ADCY2: variants seen among roughly 807,000 people sequenced by gnomAD.
ADCY2 encodes adenylate cyclase 2.
A neutral mutation model predicts 125.2 loss-of-function variants in ADCY2; 31 were observed. That is an observed-to-expected ratio of 0.25 (90% confidence interval 0.19 to 0.33). The LOEUF is 0.33. Ranked by LOEUF, ADCY2 falls within the 10% of genes least tolerant of loss-of-function variation. ADCY2 has a pLI of 1.00. For missense variants in ADCY2, 904 were observed against 1,418.2 expected (o/e 0.64, Z 5.82); for synonymous variants, 512 against 548.4 (o/e 0.93, Z 0.93).
chr5:7,807,581 C>T (rs1457427489), intron 22 of ADCY2, among the ~76,000 whole-genome samples: 1 of 152,114 alleles, frequency 6.6e-6, no homozygotes, highest in Non-Finnish European at 1.5e-5. Flanking sequence ...AATATTCTTT[C>T]CCCAACCCCT....
chr5:7,640,727 A>G (rs975542924), intron 4 of ADCY2, among the ~76,000 whole-genome samples: 2 of 152,154 alleles, frequency 1.3e-5, no homozygotes, highest in African/African-American at 4.8e-5. Flanking sequence ...GAGCAGGTCA[A>G]ATCAAGAATA....
chr5:7,566,632 G>A (rs1030565455), intron 3 of ADCY2, among the ~76,000 whole-genome samples: 3 of 152,210 alleles, frequency 2.0e-5, no homozygotes, highest in South Asian at 2.1e-4. Context: ...TGTCAACTTC[G>A]CAACAGCCAG....
chr5:7,769,335 A>G (rs749270756), intron 17 of ADCY2, among the ~76,000 whole-genome samples: 2 of 152,260 alleles, frequency 1.3e-5, no homozygotes, highest in Non-Finnish European at 2.9e-5. Context: ...CTTAACCACC[A>G]TATAAGACAT....
At chr5:7,821,609 G>A (rs574615270) in intron 24 of ADCY2, among the ~76,000 whole-genome samples, 2 of 152,324 alleles carry the variant, frequency 1.3e-5, no homozygotes, top group African/African-American at 4.8e-5. Flanking sequence ...CTTGTACAGC[G>A]AATGTTCTCT....
chr5:7,730,756 G>A (rs963659088), intron 14 of ADCY2, among the ~76,000 whole-genome samples: 2 of 152,046 alleles, frequency 1.3e-5, no homozygotes, highest in African/African-American at 4.8e-5. Context: ...ATTTCTGTCA[G>A]TCTCATTACA....
At chr5:7,549,840 C>T (rs1265239255) in intron 3 of ADCY2, among the ~76,000 whole-genome samples, 1 of 152,194 alleles carries the variant, frequency 6.6e-6, no homozygotes, top group Non-Finnish European at 1.5e-5. Flanking sequence ...AAGTGGCTTT[C>T]TCCAGCCACT....
At chr5:7,488,603 G>C (rs547683766) in intron 2 of ADCY2, among the ~76,000 whole-genome samples, 1 of 152,102 alleles carries the variant, frequency 6.6e-6, no homozygotes, top group Non-Finnish European at 1.5e-5. Context: ...TTGCATAGTG[G>C]CTTTTCTTTT....
At chr5:7,401,412 G>C (rs1160225679) in intron 1 of ADCY2, among the ~76,000 whole-genome samples, 3 of 152,188 alleles carry the variant, frequency 2.0e-5, no homozygotes, top group African/African-American at 7.2e-5. Context: ...CTTTGCTAGA[G>C]AAGATTGAAG....
At chr5:7,451,114 G>T (rs993354276) in intron 2 of ADCY2, among the ~76,000 whole-genome samples, 13 of 152,146 alleles carry the variant, frequency 8.5e-5, no homozygotes, top group Admixed American at 5.2e-4. Context: ...ATGAATCAAG[G>T]TGTAATTTCA....
At chr5:7,607,730 T>C (rs956333942) in intron 3 of ADCY2, among the ~76,000 whole-genome samples, 9 of 152,386 alleles carry the variant, frequency 5.9e-5, no homozygotes, top group Non-Finnish European at 1.2e-4. Context: ...ATGGTGATGT[T>C]TTTATTTGAT....
chr5:7,397,034 C>T (rs1002712583), intron 1 of ADCY2, among the ~76,000 whole-genome samples: 3 of 152,242 alleles, frequency 2.0e-5, no homozygotes, highest in African/African-American at 4.8e-5. Flanking sequence ...ATTAAGTATA[C>T]ATCTTTGCCT....
At chr5:7,509,304 A>G (rs1743966532) in intron 2 of ADCY2, among the ~76,000 whole-genome samples, 1 of 152,226 alleles carries the variant, frequency 6.6e-6, no homozygotes, top group African/African-American at 2.4e-5. Context: ...CAGCAAAAGA[A>G]GGAATCAGGA....
chr5:7,664,592 C>T (rs1420250463), intron 4 of ADCY2, among the ~76,000 whole-genome samples: 4 of 152,210 alleles, frequency 2.6e-5, no homozygotes. Flanking sequence ...TCATGACTTA[C>T]TTTCCAATCT....
chr5:7,597,314 G>C (rs2126631494), intron 3 of ADCY2, among the ~76,000 whole-genome samples: 1 of 152,350 alleles, frequency 6.6e-6, no homozygotes, highest in Non-Finnish European at 1.5e-5. Flanking sequence ...AGACCTCTTT[G>C]AGAAGTTGGG....
chr5:7,660,086 G>C (rs1309396034), intron 4 of ADCY2, among the ~76,000 whole-genome samples: 1 of 152,066 alleles, frequency 6.6e-6, no homozygotes, highest in Non-Finnish European at 1.5e-5. Flanking sequence ...CAGGTACTAT[G>C]CTTACTACTT....
intron 2 of ADCY2, among the ~76,000 whole-genome samples, chr5:7,511,544 C>T (rs1265013147): frequency 6.6e-6 from 1 of 151,828 alleles, no homozygotes; most frequent in East Asian, 1.9e-4. Context: ...CACTGCACTC[C>T]AGCCTGGGTG....
At chr5:7,442,613 C>T (rs1348885651) in intron 2 of ADCY2, among the ~76,000 whole-genome samples, 2 of 152,080 alleles carry the variant, frequency 1.3e-5, no homozygotes, top group African/African-American at 4.8e-5. Flanking sequence ...TCTCACTGCC[C>T]TTTCATTTCT....
intron 2 of ADCY2, among the ~76,000 whole-genome samples, 181 bp downstream of exon 2, chr5:7,414,951 AT>A (rs1739880862): frequency 6.6e-6 from 1 of 152,160 alleles, no homozygotes; most frequent in African/African-American, 2.4e-5. Context: ...TGTATGTATT[AT>A]GGGGTACAAG....
intron 1 of ADCY2, among the ~76,000 whole-genome samples, chr5:7,411,803 C>T (rs1488106883): frequency 6.6e-6 from 1 of 152,106 alleles, no homozygotes; most frequent in Non-Finnish European, 1.5e-5. Flanking sequence ...CGGCCGGGCG[C>T]GGTGGCTCAC....
Sources: allele counts gnomAD v4.1 joint callset (sites outside exome capture counted in the v4.1 genomes callset), GRCh38; gene constraint gnomAD v4.1.1; transcripts MANE v1.5; gene names NCBI Gene and HGNC (gene_info 2026-07-23, HGNC 2026-07-21).